The following MAN2B2 variants were observed in gnomAD, a reference collection of about 807,000 sequenced individuals.
MAN2B2 encodes the protein epididymis-specific alpha-mannosidase.
Under a neutral mutation model 117.1 loss-of-function variants are expected in MAN2B2, and 106 were observed. That is an observed-to-expected ratio of 0.90 (90% CI 0.77 to 1.06). The LOEUF is 1.06. Among genes scored for constraint, MAN2B2 ranks in the 50% least tolerant of loss-of-function variants. MAN2B2 has a pLI of 0.00. For missense variants in MAN2B2, 1,326 were observed against 1,381.4 expected, an observed-to-expected ratio of 0.96 and a Z score of 0.64; for synonymous variants, 544 against 595.1, an observed-to-expected ratio of 0.91 and a Z score of 1.25.
chr4:6,577,192 G>A (rs1017549073), intron 2 of MAN2B2, among the ~76,000 whole-genome samples: 6 of 152,148 alleles, frequency 3.9e-5, no homozygotes, highest in African/African-American at 1.2e-4. Context: ...CAGAGTCCCC[G>A]CTGCACAGTG....
intron 12 of MAN2B2, 46 bp from the exon 13 acceptor site, chr4:6,609,752 A>G (rs376212829): frequency 3.1e-6 from 5 of 1,593,280 alleles, no homozygotes; most frequent in Non-Finnish European, 4.3e-6. Context: ...GGAAGCATCT[A>G]GAAGGTTCCT....
intron 10 of MAN2B2, 50 bp downstream of exon 10, chr4:6,600,806 G>C: frequency 6.2e-7 from 1 of 1,602,462 alleles, no homozygotes; most frequent in Non-Finnish European, 8.5e-7. Context: ...TGCTGAACCT[G>C]CTCTGGGCCG....
In MAN2B2 at chr4:6,593,182, T is replaced by A; in HGVS notation, c.690T>A (p.Phe230Leu). The change falls in exon 6 of 19, where the codon TTT (phenylalanine) becomes TTA (leucine). Residue 230 changes from phenylalanine (F) to leucine (L), a missense_variant. Coordinates refer to ENST00000285599, the MANE Select transcript of MAN2B2 (RefSeq NM_015274.3). ...TTCTGCCCTCGCACAGGTCAGGATT[T>A]TACTGGAATGGCGTGGCTGTCTTCC... is the stretch of plus-strand genomic sequence containing the variant. Reference protein sequence around the residue: ...SHIPFSNRSGFYWNGVAVFPK... With the variant: ...SHIPFSNRSGLYWNGVAVFPK... 6.2e-7 allele frequency: 1 copy of A among 1,613,756 alleles called. No homozygotes were observed. The highest frequency in any genetic ancestry group is 8.5e-7 in the Non-Finnish European group (1 of 1,179,818).
At chr4:6,579,337 C>CCAT (rs1726312579) in intron 3 of MAN2B2, among the ~76,000 whole-genome samples, 2 of 83,190 alleles carry the variant, frequency 2.4e-5, no homozygotes, top group African/African-American at 4.3e-5. Context: ...ACCACCACCA[C>CCAT]CACCATCACC....
chr4:6,579,328 C>T (rs918262790), intron 3 of MAN2B2, among the ~76,000 whole-genome samples: 74 of 84,912 alleles, frequency 8.7e-4, no homozygotes, highest in African/African-American at 1.8e-3. Flanking sequence ...ATCACCACCA[C>T]CACCACCACC....
In MAN2B2 at chr4:6,613,733, G is replaced by A. The variant is rs954538869; in HGVS notation, c.2564-485G>A. ...GGGAGGGAGGGGAAGGGAAGGGAAC[G>A]GAAGGGAGGGGACGGGAGGGAAAAG... On this transcript the variant is annotated intron_variant, in intron 15 of 18. Transcript: ENST00000285599. Among the ~76,000 whole-genome samples the A allele has an allele frequency of 2.8e-5, 4 of 141,882 alleles. 1 individual carries two copies. Among genetic ancestry groups the A allele is most frequent in the Admixed American group, 2.1e-4 (3 of 14,284 alleles). 93.1% of individuals were successfully genotyped at this position (141,882 alleles called of 152,430 possible). A position where few individuals can be genotyped will look rare whatever the true frequency, so the allele number is the denominator to read the frequency against.
At chr4:6,617,338 T>C (rs1560103335) in intron 16 of MAN2B2, 42 bp from the exon 17 acceptor site, 1 of 1,534,268 alleles carries the variant, frequency 6.5e-7, no homozygotes, top group South Asian at 1.1e-5. Context: ...TTGGGGTTGG[T>C]TGATGAGGGT....
chr4:6,614,146 G>T (rs780950310), intron 15 of MAN2B2, 72 bp from the exon 16 acceptor site: 1 of 1,566,204 alleles, frequency 6.4e-7, no homozygotes, highest in Admixed American at 1.7e-5. Flanking sequence ...CATGTAATGT[G>T]CAGAGCTCTG....
Position 6,597,303 on chromosome 4 carries a change from G to C in MAN2B2, c.1248G>C (p.Glu416Asp). 6.5e-7 allele frequency: 1 copy of C among 1,538,246 alleles called. No individual in the cohort carries two copies. The part of the protein sequence containing the change: ...QLQQLRWAVS[E>D]VQHHDAITGT... The stretch of plus-strand genomic sequence containing the variant: ...AGCAGCTTCGCTGGGCCGTCTCCGA[G>C]GTAACACCACATTTAGCCACAGTGG... Residue 416 changes from glutamate to aspartate, a missense_variant and splice_region_variant, in exon 8 of 19, where the codon GAG (glutamate) becomes GAC (aspartate). By Grantham distance (45) the Glu-to-Asp change is conservative. Transcript: ENST00000285599.
In MAN2B2 at chr4:6,587,060, G is replaced by C; in HGVS notation, c.456G>C (p.Pro152=). 6.2e-7 allele frequency: 1 copy of C among 1,614,062 alleles called. No individual in the cohort carries two copies. The highest frequency in any genetic ancestry group is 8.5e-7 in the Non-Finnish European group (1 of 1,180,016). The change falls in exon 4 of 19, where the codon CCG becomes CCC. Residue 152 remains proline (P), a synonymous_variant. Transcript: ENST00000285599. The part of the protein sequence containing the change: ...IRPQFSWHVD[P]FGASATTPTL... ...CACAGTTCTCCTGGCACGTTGACCC[G>C]TTTGGCGCCTCTGCCACGACGCCCA...
At chr4:6,610,131 G>A in intron 13 of MAN2B2, 81 bp downstream of exon 13, 2 of 1,538,376 alleles carry the variant, frequency 1.3e-6, no homozygotes, top group South Asian at 1.2e-5. Context: ...CAGCAGTAGA[G>A]GCCAGTAGAG....
chr4:6,586,529 A>G (rs528740116), intron 3 of MAN2B2, among the ~76,000 whole-genome samples: 2 of 152,292 alleles, frequency 1.3e-5, no homozygotes, highest in South Asian at 4.1e-4. Flanking sequence ...CCTTAAGGAC[A>G]TTACGCAGAG....
Position 6,605,303 on chromosome 4 carries a change from C to A in MAN2B2, c.1788C>A (p.Thr596=). 6.2e-7 allele frequency: 1 copy of A among 1,612,346 alleles called. No individual in the cohort carries two copies. Among genetic ancestry groups the A allele is most frequent in the Non-Finnish European group, 8.5e-7 (1 of 1,178,586 alleles). Reference sequence around the variant, plus strand: ...ACATTGTGCTGCTCGACCAGGATACCAACCTGATGCACAGCATCTGGGAGA... The same window carrying A: ...ACATTGTGCTGCTCGACCAGGATACAAACCTGATGCACAGCATCTGGGAGA... The part of the protein sequence containing the change: ...DCYIVLLDQD[T]NLMHSIWERQ... The change falls in exon 11 of 19, where the codon ACC becomes ACA. Residue 596 remains threonine (T), a synonymous_variant. Coordinates refer to ENST00000285599, the MANE Select transcript of MAN2B2 (RefSeq NM_015274.3).
rs3088248 is a variant in MAN2B2 at position 6,621,605 on chromosome 4, G to A, written c.*320G>A. On this transcript the variant is annotated 3_prime_UTR_variant, in exon 19 of 19. Coordinates refer to ENST00000285599, the MANE Select transcript of MAN2B2 (RefSeq NM_015274.3). ...CCCAGGACTTTCTGCCTAAGGCAGAGCACAAGACTCACAGCAGCACCGAAG... is the reference window on the plus strand; with the variant it reads ...CCCAGGACTTTCTGCCTAAGGCAGAACACAAGACTCACAGCAGCACCGAAG... The A allele has an allele frequency of 0.74, 168,972 of 227,692 alleles. 69,046 individuals are homozygous for A. The highest frequency in any genetic ancestry group is 0.89 in the East Asian group (8,189 of 9,232). The allele number at this position is 227,692 out of a possible 1,614,324, so 14.1% of individuals were successfully genotyped here.
intron 9 of MAN2B2, 44 bp from the exon 10 acceptor site, chr4:6,600,579 A>T: frequency 1.2e-6 from 2 of 1,604,196 alleles, no homozygotes; most frequent in African/African-American, 2.7e-5. Flanking sequence ...CCATTCCAGA[A>T]GGTGAGTCAC....
intron 16 of MAN2B2, among the ~76,000 whole-genome samples, chr4:6,617,000 A>G (rs1382882096): frequency 1.3e-5 from 2 of 152,210 alleles, no homozygotes; most frequent in Non-Finnish European, 2.9e-5. Context: ...CCACCTGGAT[A>G]GGGAGGCCTC....
rs1281138202 is a variant in MAN2B2 at position 6,609,397 on chromosome 4, C to A, written c.2006+99C>A. 44 of 1,217,256 alleles carry A rather than the reference C, an allele frequency of 3.6e-5. 1 individual carries two copies. The highest frequency in any genetic ancestry group is 4.9e-5 in the Non-Finnish European group (43 of 869,430). The allele number at this position is 1,217,256 out of a possible 1,614,324, so 75.4% of individuals were successfully genotyped here. On this transcript the variant is annotated intron_variant, in intron 12 of 18. Transcript: ENST00000285599. ...GGTCTGTCTTTGCTCTGAACCCCAG[C>A]TTCCGGGCCGTGGTTGACACGTGGT...
At chr4:6,589,000 C>A in intron 4 of MAN2B2, 45 bp from the exon 5 acceptor site, 1 of 1,437,514 alleles carries the variant, frequency 7.0e-7, no homozygotes, top group Non-Finnish European at 9.8e-7. Flanking sequence ...GGAGCTGGGG[C>A]AGCCATGTGG....
intron 9 of MAN2B2, among the ~76,000 whole-genome samples, chr4:6,599,487 C>T (rs1162497688): frequency 2.0e-5 from 3 of 151,786 alleles, no homozygotes; most frequent in Non-Finnish European, 2.9e-5. Context: ...ACGGTGAAAA[C>T]CTGTCTCTAC....
Sources: gnomAD v4.1 joint callset for allele counts (sites outside exome capture counted in the v4.1 genomes callset) on GRCh38, gnomAD v4.1.1 for gene constraint, MANE v1.5 for transcripts, NCBI Gene and HGNC (gene_info 2026-07-23, HGNC 2026-07-21) for gene names.